The following SUSD1 variants were observed in gnomAD, a reference collection of about 807,000 sequenced individuals.
The protein encoded by SUSD1 is sushi domain-containing protein 1.
Under a neutral mutation model 86.9 loss-of-function variants are expected in SUSD1, and 65 were observed. That is an observed-to-expected ratio of 0.75 (90% CI 0.61 to 0.92). SUSD1 has a LOEUF of 0.92. Ranked by LOEUF, SUSD1 falls within the 40% of genes least tolerant of loss-of-function variation. The pLI, the probability that SUSD1 is intolerant of heterozygous loss-of-function variation, is 0.00. For synonymous variants in SUSD1, 346 were observed against 350.0 expected (o/e 0.99, Z 0.13); for missense variants, 850 against 929.7 (o/e 0.91, Z 1.11).
chr9:112,151,479 T>C (rs1335184340), intron 2 of SUSD1, among the ~76,000 whole-genome samples: 1 of 149,956 alleles, frequency 6.7e-6, no homozygotes, highest in African/African-American at 2.5e-5. Context: ...CACCTGTAAT[T>C]CCAACTACTC....
chr9:112,112,658 A>G, intron 7 of SUSD1, 113 bp downstream of exon 7: 1 of 687,762 alleles, frequency 1.5e-6, no homozygotes, highest in Non-Finnish European at 2.5e-6. Flanking sequence ...AGAAAAAAAG[A>G]AAAAAAAACA....
intron 3 of SUSD1, among the ~76,000 whole-genome samples, chr9:112,148,185 T>A (rs1412426095): frequency 6.6e-6 from 1 of 152,216 alleles, no homozygotes; most frequent in South Asian, 2.1e-4. Context: ...TGCAAAAGCA[T>A]CTTAGAACCA....
chr9:112,094,889 A>T (rs1400572801), intron 10 of SUSD1, among the ~76,000 whole-genome samples: 1 of 152,200 alleles, frequency 6.6e-6, no homozygotes, highest in Non-Finnish European at 1.5e-5. Flanking sequence ...TCAGTGTAGA[A>T]TTCTTCAAGC....
At position 112,071,624 on chromosome 9, in the gene SUSD1, C is replaced by T. The variant is rs189895538; in HGVS notation, c.1753+6914G>A. On this transcript the variant is annotated intron_variant, in intron 12 of 16. Coordinates refer to ENST00000374270, the MANE Select transcript of SUSD1 (RefSeq NM_022486.5). ...TAAAATGTCTCTATGTAAAACCCAT[C>T]AAAATGAACAAAAAGAACCAAAAAT... Among the ~76,000 whole-genome samples, 7 of 152,144 alleles carry T rather than the reference C, an allele frequency of 4.6e-5. No individual in the cohort carries two copies. In the East Asian group the frequency reaches 1.4e-3, roughly 29 times the overall value.
At chr9:112,085,050 G>A (rs748228772) in intron 10 of SUSD1, among the ~76,000 whole-genome samples, 7 of 152,182 alleles carry the variant, frequency 4.6e-5, no homozygotes, top group African/African-American at 4.8e-5. Flanking sequence ...TGAACTGATA[G>A]CTCCTTGAAG....
intron 2 of SUSD1, among the ~76,000 whole-genome samples, chr9:112,154,664 T>C (rs1315165554): frequency 6.6e-6 from 1 of 152,152 alleles, no homozygotes; most frequent in African/African-American, 2.4e-5. Flanking sequence ...AGTCCAGCTG[T>C]CCATAAAATG....
In SUSD1 at chr9:112,041,211, G is replaced by A; in HGVS notation, c.*281C>T. ...TTCACAGATCTGTATGTAGCCTTCG[G>A]TCAATATCACAGTGTACATCAGGAG... On this transcript the variant is annotated 3_prime_UTR_variant, in exon 17 of 17. Transcript: ENST00000374270. 1 of 575,612 alleles carries A rather than the reference G, an allele frequency of 1.7e-6. No homozygotes were observed. The highest frequency in any genetic ancestry group is 3.1e-6 in the Non-Finnish European group (1 of 322,438). 35.7% of individuals were successfully genotyped at this position (575,612 alleles called of 1,614,324 possible).
intron 15 of SUSD1, among the ~76,000 whole-genome samples, chr9:112,047,836 A>C (rs1402145435): frequency 1.3e-5 from 2 of 152,178 alleles, no homozygotes; most frequent in Non-Finnish European, 2.9e-5. Context: ...AGCCCTCACC[A>C]GAAGCAGGCC....
intron 13 of SUSD1, among the ~76,000 whole-genome samples, chr9:112,062,676 T>C (rs1005280794): frequency 1.3e-5 from 2 of 152,042 alleles, no homozygotes; most frequent in Non-Finnish European, 2.9e-5. Context: ...GCCTGTATGA[T>C]GGGAGTGACA....
At chr9:112,054,411 C>T (rs1317440552) in intron 14 of SUSD1, among the ~76,000 whole-genome samples, 2 of 151,754 alleles carry the variant, frequency 1.3e-5, no homozygotes, top group Non-Finnish European at 2.9e-5. Context: ...ACAGGGAGAC[C>T]CCATCTCTAC....
intron 5 of SUSD1, among the ~76,000 whole-genome samples, chr9:112,125,898 G>A: frequency 6.6e-6 from 1 of 152,176 alleles, no homozygotes; most frequent in East Asian, 1.9e-4. Context: ...TTTCCAGGAG[G>A]GAGGTTTCCC....
intron 3 of SUSD1, among the ~76,000 whole-genome samples, chr9:112,148,904 CT>C (rs1832922685): frequency 7.4e-6 from 1 of 134,612 alleles, no homozygotes; most frequent in Non-Finnish European, 1.7e-5. Flanking sequence ...AGACCCCCCC[CT>C]TAAAAAAAAA....
At chr9:112,069,991 TG>T in intron 12 of SUSD1, among the ~76,000 whole-genome samples, 1 of 152,190 alleles carries the variant, frequency 6.6e-6, no homozygotes, top group African/African-American at 2.4e-5. Context: ...TTATTTTATT[TG>T]TTTTTGTTTT....
At chr9:112,130,414 G>T (rs998505797) in intron 5 of SUSD1, among the ~76,000 whole-genome samples, 1 of 149,626 alleles carries the variant, frequency 6.7e-6, no homozygotes, top group African/African-American at 2.5e-5. Context: ...AACGGGAGGG[G>T]AGGGGAAAGA....
chr9:112,165,994 A>AAAGAAAGAAAGAAAG (rs1424947938), intron 1 of SUSD1, among the ~76,000 whole-genome samples: 1 of 151,784 alleles, frequency 6.6e-6, no homozygotes, highest in East Asian at 1.9e-4. Flanking sequence ...AGAAAGAAAG[A>AAAGAAAGAAAGAAAG]AAATAATTTA....
intron 12 of SUSD1, among the ~76,000 whole-genome samples, chr9:112,077,014 C>G (rs921369231): frequency 2.0e-5 from 3 of 152,150 alleles, no homozygotes; most frequent in Non-Finnish European, 4.4e-5. Context: ...ACAGAACAGC[C>G]ATTTCTTTCA....
chr9:112,058,317 A>G, intron 14 of SUSD1, 111 bp downstream of exon 14: 1 of 1,347,122 alleles, frequency 7.4e-7, no homozygotes. Context: ...ACATTTTGTG[A>G]TTGTTACATG....
At chr9:112,063,606 T>C (rs958382045) in intron 12 of SUSD1, among the ~76,000 whole-genome samples, 2 of 152,188 alleles carry the variant, frequency 1.3e-5, no homozygotes, top group Non-Finnish European at 2.9e-5. Flanking sequence ...CAGAGCTCTC[T>C]GTCCTTATTT....
intron 15 of SUSD1, chr9:112,042,183 A>C: frequency 2.0e-6 from 3 of 1,536,408 alleles, no homozygotes; most frequent in Non-Finnish European, 2.6e-6. Flanking sequence ...GGAAGTGTAA[A>C]GCCAGACCAT....
Sources: allele counts gnomAD v4.1 joint callset (sites outside exome capture counted in the v4.1 genomes callset), GRCh38; gene constraint gnomAD v4.1.1; transcripts MANE v1.5; gene names NCBI Gene and HGNC (gene_info 2026-07-23, HGNC 2026-07-21).